Variants in IL23R observed in about 807,000 individuals in gnomAD.
The protein encoded by IL23R is interleukin 23 receptor.
A neutral mutation model predicts 56.9 loss-of-function variants in IL23R; 34 were observed. That is an observed-to-expected ratio of 0.60 (90% CI 0.45 to 0.80). The LOEUF is 0.80. IL23R is among the 30% of genes least tolerant of loss of function. The pLI is 0.00. For missense variants in IL23R, 635 were observed against 730.0 expected, an observed-to-expected ratio of 0.87 and a Z score of 1.50; for synonymous variants, 230 against 249.2, an observed-to-expected ratio of 0.92 and a Z score of 0.73.
At chr1:67,221,406 C>G (rs1235808411) in intron 7 of IL23R, among the ~76,000 whole-genome samples, 1 of 152,044 alleles carries the variant, frequency 6.6e-6, no homozygotes, top group African/African-American at 2.4e-5. Flanking sequence ...GTAAAGCAAT[C>G]AGAAAGTTAA....
intron 4 of IL23R, among the ~76,000 whole-genome samples, chr1:67,183,514 G>A (rs367861961): frequency 6.6e-6 from 1 of 152,072 alleles, no homozygotes; most frequent in African/African-American, 2.4e-5. Flanking sequence ...TAGCCTGGGC[G>A]ACAGAACAAG....
At chr1:67,184,730 C>T (rs565602222) in intron 4 of IL23R, among the ~76,000 whole-genome samples, 53 of 151,970 alleles carry the variant, frequency 3.5e-4, no homozygotes, top group Non-Finnish European at 6.3e-4. Context: ...TTGCCAAGCA[C>T]TGGGCCAAGA....
chr1:67,240,259 T>G lies in IL23R; in HGVS notation c.1126T>G (p.Phe376Val). The part of the protein sequence containing the change: ...MLSILSLIGI[F>V]NRSFRTGIKR... Reference sequence around the variant, plus strand: ...GTCAATTCTTTCTTTGATTGGGATATTTAACAGATCATTCCGAACTGGGTA... The same window carrying G: ...GTCAATTCTTTCTTTGATTGGGATAGTTAACAGATCATTCCGAACTGGGTA... The change falls in exon 9 of 11, where the codon TTT (phenylalanine) becomes GTT (valine). Residue 376 changes from phenylalanine (F) to valine (V), a missense_variant. By Grantham distance (50) the Phe-to-Val change is conservative (BLOSUM62 -1). Transcript: ENST00000347310. The G allele has an allele frequency of 6.2e-7, 1 of 1,612,514 alleles. No individual in the cohort carries two copies. The highest frequency in any genetic ancestry group is 8.5e-7 in the Non-Finnish European group (1 of 1,178,646).
chr1:67,172,787 CTG>C (rs1210430761), intron 3 of IL23R, among the ~76,000 whole-genome samples: 1 of 152,154 alleles, frequency 6.6e-6, no homozygotes, highest in Non-Finnish European at 1.5e-5. Context: ...TTAGGCTGGC[CTG>C]TGCCCTGCTT....
intron 3 of IL23R, among the ~76,000 whole-genome samples, chr1:67,178,400 T>C (rs980481986): frequency 9.9e-5 from 15 of 152,234 alleles, no homozygotes; most frequent in African/African-American, 1.9e-4. Flanking sequence ...GGAGTTCACT[T>C]TTGATTTGGC....
intron 1 of IL23R, among the ~76,000 whole-genome samples, chr1:67,140,064 A>T (rs1443368218): frequency 6.6e-6 from 1 of 152,176 alleles, no homozygotes; most frequent in East Asian, 1.9e-4. Flanking sequence ...GAAGTCCCTC[A>T]CCAGATGTGG....
intron 6 of IL23R, among the ~76,000 whole-genome samples, chr1:67,212,599 G>A (rs935432974): frequency 6.0e-5 from 9 of 150,438 alleles, no homozygotes; most frequent in East Asian, 5.9e-4. Flanking sequence ...AGGCTGGAGC[G>A]CAGTGGCGCA....
At chr1:67,198,947 A>C (rs1648391175) in intron 4 of IL23R, among the ~76,000 whole-genome samples, 1 of 152,104 alleles carries the variant, frequency 6.6e-6, no homozygotes. Flanking sequence ...CCTGTCTCAA[A>C]ATCCTTCATA....
intron 5 of IL23R, among the ~76,000 whole-genome samples, chr1:67,206,312 C>T (rs1338483609): frequency 1.3e-5 from 2 of 151,986 alleles, no homozygotes; most frequent in Non-Finnish European, 2.9e-5. Context: ...CATGCCCAGC[C>T]TTTCTTTCTT....
In IL23R at chr1:67,259,188, C is replaced by T. The variant is rs1653112087; in HGVS notation, c.*60C>T. On this transcript the variant is annotated 3_prime_UTR_variant, in exon 11 of 11. Coordinates refer to ENST00000347310, the MANE Select transcript of IL23R (RefSeq NM_144701.3). ...CTTGCAATCTGAACTTGGGTTTTCC[C>T]TGCAATAGAAATTGAATTCTGCCTC... The T allele has an allele frequency of 6.5e-7, 1 of 1,529,190 alleles. No homozygotes were observed. Among genetic ancestry groups the T allele is most frequent in the South Asian group, 1.1e-5 (1 of 87,936 alleles). 94.7% of individuals were successfully genotyped at this position (1,529,190 alleles called of 1,614,324 possible). A position where few individuals can be genotyped will look rare whatever the true frequency, so the allele number is the denominator to read the frequency against.
chr1:67,205,672 A>G (rs1648952233), intron 5 of IL23R, among the ~76,000 whole-genome samples: 1 of 152,278 alleles, frequency 6.6e-6, no homozygotes, highest in East Asian at 1.9e-4. Flanking sequence ...TGTGAAGGTT[A>G]TTATTATAGA....
At chr1:67,203,949 C>T (rs1648815489) in intron 5 of IL23R, among the ~76,000 whole-genome samples, 1 of 152,058 alleles carries the variant, frequency 6.6e-6, no homozygotes, top group Non-Finnish European at 1.5e-5. Context: ...ATTACTTCTC[C>T]CCATTATATA....
intron 6 of IL23R, among the ~76,000 whole-genome samples, chr1:67,212,905 A>G (rs1170062500): frequency 7.0e-6 from 1 of 143,020 alleles, no homozygotes; most frequent in African/African-American, 2.6e-5. Context: ...ACAGAGTCTC[A>G]CTGTGTTGCC....
At chr1:67,216,062 T>C (rs1250258535) in intron 6 of IL23R, among the ~76,000 whole-genome samples, 1 of 152,200 alleles carries the variant, frequency 6.6e-6, no homozygotes, top group Admixed American at 6.5e-5. Flanking sequence ...TTTCTAACTA[T>C]TTGTTTGTAT....
At chr1:67,201,649 A>G (rs1648649887) in intron 5 of IL23R, among the ~76,000 whole-genome samples, 1 of 151,444 alleles carries the variant, frequency 6.6e-6, no homozygotes, top group South Asian at 2.1e-4. Context: ...TACTCTATAC[A>G]CTACTTGGGG....
chr1:67,199,363 T>C (rs1244576068), intron 4 of IL23R, among the ~76,000 whole-genome samples: 1 of 152,154 alleles, frequency 6.6e-6, no homozygotes, highest in Non-Finnish European at 1.5e-5. Context: ...CACCCCATCC[T>C]GACTCCTCCC....
chr1:67,201,823 T>G (rs1350743045), intron 5 of IL23R, among the ~76,000 whole-genome samples: 1 of 152,206 alleles, frequency 6.6e-6, no homozygotes, highest in African/African-American at 2.4e-5. Flanking sequence ...CTTTTTATAC[T>G]TATATATTAG....
intron 4 of IL23R, among the ~76,000 whole-genome samples, chr1:67,187,801 C>T (rs1647452276): frequency 6.6e-6 from 1 of 152,150 alleles, no homozygotes; most frequent in Non-Finnish European, 1.5e-5. Context: ...CGCAGTGGCA[C>T]ACGCTTGTAA....
At chr1:67,163,328 G>A (rs1179880410), upstream of IL23R, among the ~76,000 whole-genome samples, 3 of 151,530 alleles carry the variant, frequency 2.0e-5, no homozygotes, top group Non-Finnish European at 4.4e-5. Flanking sequence ...AATTAGCCAG[G>A]CGTGTTGGCA....
Sources: gnomAD v4.1 joint callset for allele counts (sites outside exome capture counted in the v4.1 genomes callset) on GRCh38, gnomAD v4.1.1 for gene constraint, MANE v1.5 for transcripts, NCBI Gene and HGNC (gene_info 2026-07-23, HGNC 2026-07-21) for gene names.